Variants in RPS6KA2 observed in about 807,000 individuals in gnomAD.
RPS6KA2 encodes ribosomal protein S6 kinase A2, also known as ribosomal protein S6 kinase alpha-2.
In RPS6KA2, 42 loss-of-function variants were observed where a neutral mutation model predicts 91.8. The ratio of observed to expected loss-of-function variants is 0.46; its 90% CI spans 0.36 to 0.59. RPS6KA2 has a LOEUF of 0.59. Among genes scored for constraint, RPS6KA2 ranks in the 20% least tolerant of loss-of-function variants. RPS6KA2 has a pLI of 0.00. For synonymous variants in RPS6KA2, 414 were observed against 393.6 expected (o/e 1.05, Z -0.61); for missense variants, 798 against 978.5 (o/e 0.82, Z 2.46).
At position 166,531,181 on chromosome 6, in the gene RPS6KA2, G is replaced by A. The variant is rs548122524; in HGVS notation, c.298+51C>T. ...GAATATTTCCTCAAATAACGGAGTA[G>A]AAATTGCAGTTACCTGTCTCTGAAG... On this transcript the variant is annotated intron_variant, in intron 3 of 20. Coordinates refer to ENST00000265678, the MANE Select transcript of RPS6KA2 (RefSeq NM_021135.6). The A allele has an allele frequency of 8.7e-4, 1,022 of 1,171,182 alleles. 12 individuals carry two copies. In the South Asian group the frequency reaches 0.012, roughly 14 times the overall value. The allele number at this position is 1,171,182 out of a possible 1,614,324, so 72.5% of individuals were successfully genotyped here.
intron 2 of RPS6KA2, among the ~76,000 whole-genome samples, chr6:166,667,021 G>A (rs979683357): frequency 6.6e-6 from 1 of 152,212 alleles, no homozygotes; most frequent in Non-Finnish European, 1.5e-5. Flanking sequence ...GTATGATTCC[G>A]CTTACGTGAG....
intron 2 of RPS6KA2, among the ~76,000 whole-genome samples, chr6:166,822,356 G>C (rs1249901682): frequency 6.6e-6 from 1 of 152,200 alleles, no homozygotes; most frequent in African/African-American, 2.4e-5. Flanking sequence ...CATGAAAAGA[G>C]ATTAGGGCAC....
At position 166,494,268 on chromosome 6, in the gene RPS6KA2, G is replaced by T. The variant is rs879346505; in HGVS notation, c.748-3527C>A. Among the ~76,000 whole-genome samples the T allele has an allele frequency of 2.0e-5, 3 of 152,152 alleles. No homozygotes were observed. Among genetic ancestry groups the T allele is most frequent in the Non-Finnish European group, 4.4e-5 (3 of 68,034 alleles). Reference sequence around the variant, plus strand: ...CTAATCCGAGCTGCTCTCGCTCCGTGTGCTGCACCCCACTCCGAGTGCCAA... The same window carrying T: ...CTAATCCGAGCTGCTCTCGCTCCGTTTGCTGCACCCCACTCCGAGTGCCAA... On this transcript the variant is annotated intron_variant, in intron 8 of 20. Coordinates refer to ENST00000265678, the MANE Select transcript of RPS6KA2 (RefSeq NM_021135.6). This position sits in a 1 kb window ranked among gnomAD's most constrained non-coding sequence, Gnocchi z 5.1.
chr6:166,537,692 G>A (rs1243100249), intron 2 of RPS6KA2, among the ~76,000 whole-genome samples: 1 of 152,184 alleles, frequency 6.6e-6, no homozygotes, highest in Non-Finnish European at 1.5e-5. Flanking sequence ...CATGCATTTT[G>A]GCACAAAGTC....
intron 10 of RPS6KA2, among the ~76,000 whole-genome samples, chr6:166,480,925 A>G (rs1427896238): frequency 6.6e-6 from 1 of 152,224 alleles, no homozygotes; most frequent in Non-Finnish European, 1.5e-5. Context: ...GGTATGAGCC[A>G]CAATGCCTGG....
At chr6:166,707,218 G>C (rs1332893443) in intron 2 of RPS6KA2, among the ~76,000 whole-genome samples, 3 of 152,230 alleles carry the variant, frequency 2.0e-5, no homozygotes, top group African/African-American at 7.2e-5. Context: ...CCGGGAAGGG[G>C]GCAGCTCTGC....
rs150170991 is a variant in RPS6KA2, at chr6:166,682,670, G to A, written c.124-143886C>T. ...TGTGGAGATAAACACTAGCAACAAC[G>A]ACACAAAGAAAGCAAGGATTGCTTC... is the stretch of plus-strand genomic sequence containing the variant. On this transcript the variant is annotated intron_variant, in intron 2 of 21. Transcript: ENST00000503859. 9.8e-5 allele frequency among the ~76,000 whole-genome samples: 15 copies of A among 152,306 alleles called. No individual in the cohort carries two copies. In the East Asian group the frequency reaches 2.1e-3, roughly 22 times the overall value.
intron 2 of RPS6KA2, among the ~76,000 whole-genome samples, chr6:166,738,593 T>C (rs530117425): frequency 6.6e-6 from 1 of 152,266 alleles, no homozygotes; most frequent in South Asian, 2.1e-4. Flanking sequence ...ACTGTCTTAC[T>C]AGGTTGACTC....
Position 166,717,975 on chromosome 6 carries a change from C to T in RPS6KA2, c.123+140225G>A, listed in dbSNP as rs12662939. On this transcript the variant is annotated intron_variant, in intron 2 of 21. Transcript: ENST00000503859. ...GCGATTCTCCTGCGTCAGCCTCCCA[C>T]GTAGCTGGGATTACAGGTGCCCGCT... is the stretch of plus-strand genomic sequence containing the variant. 9.3e-4 allele frequency among the ~76,000 whole-genome samples: 142 copies of T among 152,022 alleles called. 2 individuals are homozygous for T. The East Asian group carries it at 0.025, about 26-fold the overall frequency.
At chr6:166,505,265 G>C (rs1051587639) in intron 5 of RPS6KA2, among the ~76,000 whole-genome samples, 3 of 152,168 alleles carry the variant, frequency 2.0e-5, no homozygotes, top group Non-Finnish European at 4.4e-5. Flanking sequence ...AGCTGGGACA[G>C]CTCAGGGCTG....
intron 19 of RPS6KA2, among the ~76,000 whole-genome samples, chr6:166,416,130 C>T (rs61001384): frequency 9.5e-5 from 6 of 63,162 alleles, no homozygotes; most frequent in East Asian, 9.9e-4. Flanking sequence ...CCTTCATCAC[C>T]CCCACCATCA....
intron 2 of RPS6KA2, among the ~76,000 whole-genome samples, chr6:166,678,320 CT>C (rs796808916): frequency 7.2e-5 from 11 of 152,368 alleles, no homozygotes; most frequent in African/African-American, 2.6e-4. Flanking sequence ...TCTCATCCCC[CT>C]GACTGGGCCT....
chr6:166,601,685 T>C (rs555011662), intron 1 of RPS6KA2, among the ~76,000 whole-genome samples: 4 of 152,204 alleles, frequency 2.6e-5, no homozygotes, highest in Admixed American at 6.5e-5. Flanking sequence ...ACTAAAAAAA[T>C]TGGTTATCTT....
chr6:166,712,690 T>A (rs888546488), intron 2 of RPS6KA2, among the ~76,000 whole-genome samples: 1 of 152,150 alleles, frequency 6.6e-6, no homozygotes, highest in African/African-American at 2.4e-5. Context: ...TCTTGATGTG[T>A]GATGTCCCAC....
chr6:166,783,048 GTATTATTATTATTATTATTATTATTAT>G (rs71686287), intron 2 of RPS6KA2, among the ~76,000 whole-genome samples: 30 of 134,702 alleles, frequency 2.2e-4, no homozygotes, highest in Non-Finnish European at 3.6e-4. Flanking sequence ...TATCTTTTAG[GTATTATTATTATTATTATTATTATTAT>G]TATTATTATT....
intron 17 of RPS6KA2, among the ~76,000 whole-genome samples, chr6:166,420,904 A>G (rs1423654606): frequency 1.3e-5 from 2 of 152,220 alleles, no homozygotes; most frequent in Non-Finnish European, 2.9e-5. Context: ...GGAAGCCACA[A>G]TGGTGCTCAT....
At chr6:166,661,260 A>G (rs1788155413) in intron 2 of RPS6KA2, among the ~76,000 whole-genome samples, 2 of 152,046 alleles carry the variant, frequency 1.3e-5, no homozygotes, top group Admixed American at 6.6e-5. Flanking sequence ...ATCATCACGC[A>G]TGGCTAATTT....
In RPS6KA2 at chr6:166,419,375, T is replaced by C. The variant is rs1778646532; in HGVS notation, c.1820+507A>G. Among the ~76,000 whole-genome samples the C allele has an allele frequency of 6.6e-6, 1 of 152,150 alleles. No homozygotes were observed. The highest frequency in any genetic ancestry group is 1.5e-5 in the Non-Finnish European group (1 of 68,028). The stretch of plus-strand genomic sequence containing the variant: ...GTGTTTAGCCCAGAGTCACGGCTAG[T>C]GGCGAGTGGGGCTCAGATGGAAGTC... On this transcript the variant is annotated intron_variant, in intron 18 of 20. Coordinates refer to ENST00000265678, the MANE Select transcript of RPS6KA2 (RefSeq NM_021135.6). The surrounding 1 kb of genome is among the most constrained non-coding windows in gnomAD (Gnocchi z 5.6).
chr6:166,742,831 C>T (rs1423169942), intron 2 of RPS6KA2, among the ~76,000 whole-genome samples: 3 of 152,184 alleles, frequency 2.0e-5, no homozygotes, highest in Non-Finnish European at 4.4e-5. Flanking sequence ...CCCGTCCGTG[C>T]CTGCAAAACA....
Sources: allele counts gnomAD v4.1 joint callset (sites outside exome capture counted in the v4.1 genomes callset), GRCh38; gene constraint gnomAD v4.1.1; non-coding constraint Gnocchi (gnomAD v3.1); transcripts MANE v1.5; gene names NCBI Gene and HGNC (gene_info 2026-07-23, HGNC 2026-07-21).